The following MIER2 variants were observed in gnomAD, a reference collection of about 807,000 sequenced individuals.
MIER2 encodes the protein mesoderm induction early response protein 2.
A neutral mutation model predicts 67.6 loss-of-function variants in MIER2; 30 were observed. The ratio of observed to expected loss-of-function variants is 0.44; its 90% CI spans 0.33 to 0.60. The LOEUF is 0.60. Among genes scored for constraint, MIER2 ranks in the 20% least tolerant of loss-of-function variants. The pLI is 0.02. For synonymous variants in MIER2, 372 were observed against 312.6 expected, an observed-to-expected ratio of 1.19 and a Z score of -2.00; for missense variants, 702 against 745.1, an observed-to-expected ratio of 0.94 and a Z score of 0.67.
At chr19:310,184 T>C (rs1235866009) in intron 10 of MIER2, among the ~76,000 whole-genome samples, 2 of 152,142 alleles carry the variant, frequency 1.3e-5, no homozygotes, top group Non-Finnish European at 2.9e-5. Context: ...CACAGAGAGC[T>C]TGAGGCTGTG....
intron 7 of MIER2, among the ~76,000 whole-genome samples, chr19:322,445 A>G (rs928017444): frequency 9.9e-5 from 15 of 152,204 alleles, no homozygotes; most frequent in African/African-American, 3.6e-4. Context: ...AGAAAACAGC[A>G]GCAGTGCACA....
At chr19:318,892 T>TA (rs1170340827) in intron 7 of MIER2, among the ~76,000 whole-genome samples, 1 of 151,724 alleles carries the variant, frequency 6.6e-6, no homozygotes, top group East Asian at 1.9e-4. Flanking sequence ...CCGTCTCTAC[T>TA]AAAAAATACA....
intron 1 of MIER2, among the ~76,000 whole-genome samples, chr19:341,314 A>G (rs1006894630): frequency 1.3e-5 from 2 of 152,148 alleles, no homozygotes; most frequent in African/African-American, 4.8e-5. Flanking sequence ...TGAGATCCAC[A>G]CCGAGTAACA....
In MIER2 at chr19:307,436, C is replaced by T; in HGVS notation, c.1299G>A (p.Gln433=). The change falls in exon 13 of 14, where the codon CAG becomes CAA. Residue 433 remains glutamine, a synonymous_variant. Transcript: ENST00000264819. ...SSEPGPCSFQ[Q]LDESPAVPLS... Reference sequence around the variant, plus strand: ...GGGGTACAGCGGGGGACTCATCCAGCTGCTGGAAGGAACACGGCCCTGGCT... The same window carrying T: ...GGGGTACAGCGGGGGACTCATCCAGTTGCTGGAAGGAACACGGCCCTGGCT... 1 of 1,593,444 alleles carries T rather than the reference C, an allele frequency of 6.3e-7. No individual in the cohort carries two copies. The highest frequency in any genetic ancestry group is 8.5e-7 in the Non-Finnish European group (1 of 1,170,314).
At chr19:326,643 C>A (rs1478609696) in intron 5 of MIER2, 45 bp from the exon 6 acceptor site, 1 of 1,446,540 alleles carries the variant, frequency 6.9e-7, no homozygotes, top group Admixed American at 1.7e-5. Context: ...CCACTGCCTG[C>A]AGCCTATACA....
chr19:323,709 CGCA>C (rs1971598454), intron 7 of MIER2, among the ~76,000 whole-genome samples: 1 of 151,786 alleles, frequency 6.6e-6, no homozygotes, highest in Non-Finnish European at 1.5e-5. Context: ...ACAAGACACA[CGCA>C]ACCACACAGA....
intron 4 of MIER2, among the ~76,000 whole-genome samples, 178 bp from the exon 5 acceptor site, chr19:327,434 G>T (rs1971813215): frequency 6.6e-6 from 1 of 152,232 alleles, no homozygotes; most frequent in Non-Finnish European, 1.5e-5. Context: ...AGACACGTGG[G>T]AGCCCACACC....
At chr19:317,426 C>A (rs1175078965) in intron 7 of MIER2, among the ~76,000 whole-genome samples, 1 of 142,108 alleles carries the variant, frequency 7.0e-6, no homozygotes, top group Non-Finnish European at 1.6e-5. Context: ...ACTCAGGAGG[C>A]TGAAGCAGGA....
intron 7 of MIER2, among the ~76,000 whole-genome samples, chr19:315,988 T>C (rs1258221787): frequency 6.6e-6 from 1 of 152,212 alleles, no homozygotes; most frequent in Non-Finnish European, 1.5e-5. Context: ...AGTAAGACCG[T>C]CCTCTGACTT....
Position 306,473 on chromosome 19 carries a change from T to G in MIER2, c.*217A>C. On this transcript the variant is annotated 3_prime_UTR_variant, in exon 14 of 14. Transcript: ENST00000264819. ...GGACCCGGGTGGCAGTGCCGGGCGC[T>G]GACGGCGCTGGGTGGGGCCGTGGGT... is the stretch of plus-strand genomic sequence containing the variant. The G allele has an allele frequency of 1.5e-6, 1 of 663,942 alleles. No individual in the cohort carries two copies. Among genetic ancestry groups the G allele is most frequent in the South Asian group, 1.9e-5 (1 of 51,504 alleles). The allele number at this position is 663,942 out of a possible 1,614,324, so 41.1% of individuals were successfully genotyped here.
At chr19:317,960 T>A (rs897849136) in intron 7 of MIER2, among the ~76,000 whole-genome samples, 1 of 152,118 alleles carries the variant, frequency 6.6e-6, no homozygotes, top group Non-Finnish European at 1.5e-5. Flanking sequence ...TCCCAGCACA[T>A]TGGGAGGCCG....
chr19:329,546 CT>C (rs2145492531), intron 3 of MIER2, among the ~76,000 whole-genome samples: 1 of 152,316 alleles, frequency 6.6e-6, no homozygotes, highest in Admixed American at 6.5e-5. Context: ...CAAGTCACTG[CT>C]GTCACATTCC....
In MIER2 at chr19:313,561, C is replaced by T; in HGVS notation, c.738G>A (p.Val246=). ...CGGCCATCTCGTGCCAACGCCGCTT[C>T]ACCGCCCTGTACAGGAACTCCTCCA... is the stretch of plus-strand genomic sequence containing the variant. ...REVEEFLYRA[V]KRRWHEMAGP... The change falls in exon 8 of 14, where the codon GTG becomes GTA. Residue 246 remains valine, a synonymous_variant. Coordinates refer to ENST00000264819, the MANE Select transcript of MIER2 (RefSeq NM_017550.3). 1 of 1,613,418 alleles carries T rather than the reference C, an allele frequency of 6.2e-7. No homozygotes were observed. The highest frequency in any genetic ancestry group is 8.5e-7 in the Non-Finnish European group (1 of 1,179,978).
intron 1 of MIER2, among the ~76,000 whole-genome samples, chr19:336,624 G>A (rs1972270079): frequency 6.6e-6 from 1 of 152,212 alleles, no homozygotes; most frequent in Admixed American, 6.5e-5. Context: ...CAGGGAGAGA[G>A]ACAGTGGGAG....
Position 326,526 on chromosome 19 carries a change from G to T in MIER2, c.566C>A (p.Pro189His), listed in dbSNP as rs1457094800. 1.9e-6 allele frequency: 3 copies of T among 1,613,994 alleles called. 1 individual carries two copies. The South Asian group carries it at 3.3e-5, about 18-fold the overall frequency. Residue 189 changes from proline (P) to histidine (H), a missense_variant, in exon 6 of 14, where the codon CCT becomes CAT. Coordinates refer to ENST00000264819, the MANE Select transcript of MIER2 (RefSeq NM_017550.3). ...ASSDTEEDSL[P>H]ANKCKKEIMV... ...ACGTACCTTCTTACATTTGTTGGCAGGAAGAGAGTCCTCCTCGGTGTCGGA... is the reference window on the plus strand; with the variant it reads ...ACGTACCTTCTTACATTTGTTGGCATGAAGAGAGTCCTCCTCGGTGTCGGA...
chr19:335,706 CG>C (rs1972217705), intron 2 of MIER2, among the ~76,000 whole-genome samples: 1 of 152,166 alleles, frequency 6.6e-6, no homozygotes, highest in African/African-American at 2.4e-5. Flanking sequence ...GCAGGGAACC[CG>C]GGGTGCTGCC....
chr19:309,199 T>C (rs1970807572), intron 10 of MIER2, among the ~76,000 whole-genome samples: 1 of 152,144 alleles, frequency 6.6e-6, no homozygotes, highest in African/African-American at 2.4e-5. Context: ...CTTTCCCTTC[T>C]GTAGCATCAG....
At chr19:341,696 CCT>C (rs1206369609) in intron 1 of MIER2, among the ~76,000 whole-genome samples, 3 of 152,136 alleles carry the variant, frequency 2.0e-5, no homozygotes, top group Non-Finnish European at 4.4e-5. Context: ...AAGACAAAGT[CCT>C]CTGTTTTGTC....
In MIER2 at chr19:326,511, T is replaced by C; in HGVS notation, c.581A>G (p.Lys194Arg). The C allele has an allele frequency of 4.3e-6, 7 of 1,613,814 alleles. No homozygotes were observed. Among genetic ancestry groups the C allele is most frequent in the Non-Finnish European group, 5.9e-6 (7 of 1,179,710 alleles). ...GGAGATGGCAGAACCACGTACCTTCTTACATTTGTTGGCAGGAAGAGAGTC... is the reference window on the plus strand; with the variant it reads ...GGAGATGGCAGAACCACGTACCTTCCTACATTTGTTGGCAGGAAGAGAGTC... ...EEDSLPANKCKKEIMVGPQFQ... is the reference protein window; with the variant it reads ...EEDSLPANKCRKEIMVGPQFQ... Residue 194 changes from lysine (K) to arginine (R), a missense_variant, in exon 6 of 14, where the codon AAG becomes AGG. Coordinates refer to ENST00000264819, the MANE Select transcript of MIER2 (RefSeq NM_017550.3).
Sources: allele counts gnomAD v4.1 joint callset (sites outside exome capture counted in the v4.1 genomes callset), GRCh38; gene constraint gnomAD v4.1.1; transcripts MANE v1.5; gene names NCBI Gene and HGNC (gene_info 2026-07-23, HGNC 2026-07-21).